ZNF260: variants seen among roughly 807,000 people sequenced by gnomAD.
The protein encoded by ZNF260 is zfp-260.
Under a neutral mutation model 29.3 loss-of-function variants are expected in ZNF260, and 21 were observed. The ratio of observed to expected loss-of-function variants is 0.72; its 90% CI spans 0.51 to 1.03. The LOEUF (loss-of-function observed/expected upper bound fraction) is 1.03, where lower values mean the gene tolerates loss of function less well. ZNF260 is among the 50% of genes least tolerant of loss of function. The pLI, the probability that ZNF260 is intolerant of heterozygous loss-of-function variation, is 0.00. For synonymous variants in ZNF260, 156 were observed against 156.8 expected, an observed-to-expected ratio of 0.99 and a Z score of 0.04; for missense variants, 465 against 487.8, an observed-to-expected ratio of 0.95 and a Z score of 0.44.
intron 2 of ZNF260, among the ~76,000 whole-genome samples, chr19:36,523,350 C>T (rs976839905): frequency 6.6e-6 from 1 of 152,054 alleles, no homozygotes; most frequent in Admixed American, 6.6e-5. Context: ...TTACAGTTCT[C>T]AACACAGCAG....
intron 2 of ZNF260, among the ~76,000 whole-genome samples, chr19:36,524,538 G>T (rs373027441): frequency 6.6e-3 from 190 of 28,970 alleles, no homozygotes; most frequent in Middle Eastern, 0.012. Flanking sequence ...TTTTTTTATT[G>T]ATCATTCTTG....
rs1555779912 is a variant in ZNF260 at position 36,524,534 on chromosome 19, T to TTTTTA, written c.-462+620_-462+621insTAAAA. Reference sequence around the variant, plus strand: ...ACATGCTAGTTTTTTTTTTTTTTTTTATTGATCATTCTTGGGTGTTTCTCG... The same window carrying TTTTTA: ...ACATGCTAGTTTTTTTTTTTTTTTTTTTTTAATTGATCATTCTTGGGTGTTTCTCG... On this transcript the variant is annotated intron_variant, in intron 2 of 2. Transcript: ENST00000523638. 1.1e-4 allele frequency among the ~76,000 whole-genome samples: 14 copies of TTTTTA among 126,054 alleles called. 1 individual carries two copies. The highest frequency in any genetic ancestry group is 4.0e-4 in the East Asian group (2 of 5,028). The allele number at this position is 126,054 out of a possible 152,430, so 82.7% of individuals were successfully genotyped here.
At chr19:36,520,419 C>A (rs1439351321) in intron 2 of ZNF260, among the ~76,000 whole-genome samples, 1 of 151,956 alleles carries the variant, frequency 6.6e-6, no homozygotes, top group African/African-American at 2.4e-5. Context: ...TTTTGTTAAA[C>A]CCCATGCAAA....
chr19:36,521,118 G>A (rs1023838366), intron 2 of ZNF260, among the ~76,000 whole-genome samples: 1 of 151,428 alleles, frequency 6.6e-6, no homozygotes, highest in African/African-American at 2.4e-5. Flanking sequence ...AAAAAATAGA[G>A]CTCTTGCCCC....
At position 36,514,547 on chromosome 19, in the gene ZNF260, T is replaced by C; in HGVS notation, c.692A>G (p.Gln231Arg). ...ECKGCGKAFI[Q>R]KSSLIRHQRS... Reference sequence around the variant, plus strand: ...CTGGTGTCTAATGAGGCTTGACTTCTGAATGAAAGCTTTCCCACACCCTTT... The same window carrying C: ...CTGGTGTCTAATGAGGCTTGACTTCCGAATGAAAGCTTTCCCACACCCTTT... The change falls in exon 3 of 3, where the codon CAG (glutamine) becomes CGG (arginine). Residue 231 changes from glutamine (Q) to arginine (R), a missense_variant. By Grantham distance (43) the Gln-to-Arg change is conservative. Transcript: ENST00000523638. 1 of 1,614,156 alleles carries C rather than the reference T, an allele frequency of 6.2e-7. No individual in the cohort carries two copies.
chr19:36,524,415 G>A (rs1387196026), intron 2 of ZNF260, among the ~76,000 whole-genome samples: 11 of 151,672 alleles, frequency 7.3e-5, no homozygotes, highest in South Asian at 6.2e-4. Flanking sequence ...TCCTGACCTC[G>A]TGATCCGCCA....
At position 36,514,591 on chromosome 19, in the gene ZNF260, T is replaced by G. The variant is rs1207330356; in HGVS notation, c.648A>C (p.Gly216=). Residue 216 remains glycine, a synonymous_variant, in exon 3 of 3, where the codon GGA becomes GGC. Coordinates refer to ENST00000523638, the MANE Select transcript of ZNF260 (RefSeq NM_001166037.2). ...ACCCTTTACATTCATAAGGTTTCTC[T>G]CCAGTATGGATTCTCTGATGTATAA... ...NLIIHQRIHT[G]EKPYECKGCG... is the part of the protein sequence containing the mutation. The G allele has an allele frequency of 6.2e-7, 1 of 1,614,090 alleles. No individual in the cohort carries two copies. Among genetic ancestry groups the G allele is most frequent in the Non-Finnish European group, 8.5e-7 (1 of 1,180,002 alleles).
chr19:36,523,665 C>T (rs774120504), intron 2 of ZNF260, among the ~76,000 whole-genome samples: 22 of 150,838 alleles, frequency 1.5e-4, no homozygotes, highest in Non-Finnish European at 2.8e-4. Flanking sequence ...GCAACCTCCG[C>T]CTCCCAGGTT....
chr19:36,514,150 A>T lies in ZNF260; in HGVS notation c.1089T>A (p.Asn363Lys), dbSNP rs745799752. ...ACTGAGAAAAGGCTTTCCCACATTC[A>T]TTACAACCATAGGGTTTCTCACCTG... is the stretch of plus-strand genomic sequence containing the variant. ...SHTGEKPYGC[N>K]ECGKAFSQFS... is the part of the protein sequence containing the mutation. Residue 363 changes from asparagine (N) to lysine (K), a missense_variant, in exon 3 of 3, where the codon AAT (asparagine) becomes AAA (lysine). By Grantham distance (94) the Asn-to-Lys change is moderately conservative (BLOSUM62 0). Coordinates refer to ENST00000523638, the MANE Select transcript of ZNF260 (RefSeq NM_001166037.2). The T allele has an allele frequency of 6.2e-7, 1 of 1,613,734 alleles. No individual in the cohort carries two copies. The highest frequency in any genetic ancestry group is 1.1e-5 in the South Asian group (1 of 91,054).
At chr19:36,519,163 C>T (rs2034600408) in intron 2 of ZNF260, among the ~76,000 whole-genome samples, 1 of 152,186 alleles carries the variant, frequency 6.6e-6, no homozygotes, top group African/African-American at 2.4e-5. Flanking sequence ...TTACTTCCAA[C>T]TTAGACTTCT....
At chr19:36,515,918 C>T (rs751561402) in intron 2 of ZNF260, among the ~76,000 whole-genome samples, 1 of 151,580 alleles carries the variant, frequency 6.6e-6, no homozygotes, top group Non-Finnish European at 1.5e-5. Flanking sequence ...GTTGCCCAGG[C>T]TGGAGGGCAA....
At chr19:36,523,600 G>A (rs950948849) in intron 2 of ZNF260, among the ~76,000 whole-genome samples, 4 of 136,006 alleles carry the variant, frequency 2.9e-5, no homozygotes, top group African/African-American at 1.1e-4. Flanking sequence ...TTTTTGAGAT[G>A]GGAGTCTCAC....
In ZNF260 at chr19:36,528,259, C is replaced by G. The variant is rs1245540625; in HGVS notation, c.-721G>C. On this transcript the variant is annotated 5_prime_UTR_variant, in exon 1 of 3. Transcript: ENST00000523638. ...ACCATGGCAAGTCGGAGATTCCGCG[C>G]CTGCGCACTCCTTCCGCGGGCAGCG... The G allele has an allele frequency of 1.3e-5, 2 of 152,166 alleles. No homozygotes were observed. Among genetic ancestry groups the G allele is most frequent in the African/African-American group, 2.4e-5 (1 of 41,396 alleles). The allele number at this position is 152,166 out of a possible 1,614,324, so 9.4% of individuals were successfully genotyped here. A position where few individuals can be genotyped will look rare whatever the true frequency, so the allele number is the denominator to read the frequency against.
intron 2 of ZNF260, among the ~76,000 whole-genome samples, chr19:36,519,203 G>A (rs571547519): frequency 6.6e-6 from 1 of 152,180 alleles, no homozygotes; most frequent in South Asian, 2.1e-4. Context: ...GAAAGCTTGG[G>A]AAGAATCAAA....
At chr19:36,520,344 AAG>A (rs1427510566) in intron 2 of ZNF260, among the ~76,000 whole-genome samples, 2 of 152,124 alleles carry the variant, frequency 1.3e-5, no homozygotes, top group Admixed American at 1.3e-4. Flanking sequence ...TAAAAGAAGT[AAG>A]AGTAAAAAAG....
rs1328016102 is a variant in ZNF260, at chr19:36,510,974, T to C, written c.*3026A>G. The C allele has an allele frequency of 6.6e-6, 1 of 152,052 alleles. No homozygotes were observed. The highest frequency in any genetic ancestry group is 1.5e-5 in the Non-Finnish European group (1 of 68,008). 9.4% of individuals were successfully genotyped at this position (152,052 alleles called of 1,614,324 possible). A position where few individuals can be genotyped will look rare whatever the true frequency, so the allele number is the denominator to read the frequency against. Reference sequence around the variant, plus strand: ...GCACATGGGCAAAACACTTAAAAAATATGAAAGATTATTTAAGTAAAGCAA... The same window carrying C: ...GCACATGGGCAAAACACTTAAAAAACATGAAAGATTATTTAAGTAAAGCAA... On this transcript the variant is annotated 3_prime_UTR_variant, in exon 3 of 3. Transcript: ENST00000523638.
Position 36,513,918 on chromosome 19 carries a change from A to G in ZNF260, c.*82T>C. 3 of 1,431,324 alleles carry G rather than the reference A, an allele frequency of 2.1e-6. No homozygotes were observed. Among genetic ancestry groups the G allele is most frequent in the Non-Finnish European group, 2.8e-6 (3 of 1,055,002 alleles). 88.7% of individuals were successfully genotyped at this position (1,431,324 alleles called of 1,614,324 possible). A position where few individuals can be genotyped will look rare whatever the true frequency, so the allele number is the denominator to read the frequency against. On this transcript the variant is annotated 3_prime_UTR_variant, in exon 3 of 3. Transcript: ENST00000523638. ...GACTTCCCACATTCATGTCACTTTAATGTAAAATGAATTTTCCAATACACT... is the reference window on the plus strand; with the variant it reads ...GACTTCCCACATTCATGTCACTTTAGTGTAAAATGAATTTTCCAATACACT...
Position 36,515,150 on chromosome 19 carries a change from T to C in ZNF260, c.89A>G (p.Asn30Ser), listed in dbSNP as rs2034529099. The change falls in exon 3 of 3, where the codon AAT (asparagine) becomes AGT (serine). Residue 30 changes from asparagine (N) to serine (S), a missense_variant. Physicochemically the swap from Asn to Ser is conservative, Grantham distance 46 (BLOSUM62 1). Coordinates refer to ENST00000523638, the MANE Select transcript of ZNF260 (RefSeq NM_001166037.2). ...IHTGEKPYEC[N>S]ECRKTFSLKQ... ...CAGGCTAAAAGTTTTTCTACATTCA[T>C]TACATTCATAAGGTTTCTCTCCAGT... is the stretch of plus-strand genomic sequence containing the variant. 6.2e-7 allele frequency: 1 copy of C among 1,613,964 alleles called. No homozygotes were observed. Among genetic ancestry groups the C allele is most frequent in the Admixed American group, 1.7e-5 (1 of 60,014 alleles).
intron 2 of ZNF260, among the ~76,000 whole-genome samples, chr19:36,516,924 G>A (rs112929968): frequency 1.3e-5 from 2 of 152,238 alleles, no homozygotes; most frequent in African/African-American, 4.8e-5. Flanking sequence ...CAGGATGAAA[G>A]GACAAATACT....
Sources: allele counts gnomAD v4.1 joint callset (sites outside exome capture counted in the v4.1 genomes callset), GRCh38; gene constraint gnomAD v4.1.1; transcripts MANE v1.5; gene names NCBI Gene and HGNC (gene_info 2026-07-23, HGNC 2026-07-21).